NBEA: variants seen among roughly 807,000 people sequenced by gnomAD.
NBEA encodes the protein lysosomal-trafficking regulator 2.
A neutral mutation model predicts 343.4 loss-of-function variants in NBEA; 44 were observed. That is an observed-to-expected ratio of 0.13 (90% CI 0.10 to 0.16). The LOEUF is 0.16. NBEA is among the 10% of genes least tolerant of loss of function. The pLI is 1.00. For synonymous variants in NBEA, 1,175 were observed against 1,238.7 expected (o/e 0.95, Z 1.08); for missense variants, 2,555 against 3,631.3 (o/e 0.70, Z 7.62).
intron 28 of NBEA, among the ~76,000 whole-genome samples, chr13:35,178,682 AT>A (rs935142758): frequency 2.0e-5 from 3 of 151,642 alleles, no homozygotes; most frequent in African/African-American, 7.2e-5. Flanking sequence ...GTAGTTTTAA[AT>A]TTTTTATAAT....
rs1311621615 is a variant in NBEA, at chr13:35,477,860, T to G, written c.6585+5324T>G. ...TGAAATAAATCATTTCATTTCTGAA[T>G]TTTGGAACCTGGAAACAGGAGGAGG... On this transcript the variant is annotated intron_variant, in intron 41 of 58. Transcript: ENST00000379939. Among the ~76,000 whole-genome samples, 3 of 152,292 alleles carry G rather than the reference T, an allele frequency of 2.0e-5. No homozygotes were observed. The East Asian group carries it at 5.8e-4, about 29-fold the overall frequency.
At chr13:35,045,280 A>G (rs908565873) in intron 3 of NBEA, 26 bp from the exon 4 acceptor site, 4 of 1,562,240 alleles carry the variant, frequency 2.6e-6, no homozygotes, top group Middle Eastern at 1.7e-4. Context: ...GTACAATGAC[A>G]TTTCTTTCTT....
intron 38 of NBEA, among the ~76,000 whole-genome samples, chr13:35,423,119 G>C (rs911930398): frequency 6.6e-6 from 1 of 152,150 alleles, no homozygotes; most frequent in African/African-American, 2.4e-5. Context: ...TCTGATGGTA[G>C]TTTCTTGTGC....
intron 41 of NBEA, among the ~76,000 whole-genome samples, chr13:35,549,725 A>G (rs974455829): frequency 6.6e-6 from 1 of 152,130 alleles, no homozygotes. Context: ...AACATCCTCA[A>G]CTGCTTTTGG....
chr13:35,668,453 A>G lies in NBEA; in HGVS notation c.8747A>G (p.Lys2916Arg). Reference protein sequence around the residue: ...VVEVWQACDFKQLYIYPGCDA... With the variant: ...VVEVWQACDFRQLYIYPGCDA... Reference sequence around the variant, plus strand: ...GAGGTCTGGCAGGCCTGTGACTTCAAGCAACTGTACATTTACCCTGGATGT... The same window carrying G: ...GAGGTCTGGCAGGCCTGTGACTTCAGGCAACTGTACATTTACCCTGGATGT... The change falls in exon 58 of 59, where the codon AAG becomes AGG. Residue 2916 changes from lysine to arginine, a missense_variant. Physicochemically the swap from Lys to Arg is conservative, Grantham distance 26 (BLOSUM62 2). Transcript: ENST00000379939. 6.2e-7 allele frequency: 1 copy of G among 1,613,618 alleles called. No individual in the cohort carries two copies. Among genetic ancestry groups the G allele is most frequent in the Non-Finnish European group, 8.5e-7 (1 of 1,179,762 alleles).
intron 17 of NBEA, among the ~76,000 whole-genome samples, chr13:35,140,976 A>G (rs935819664): frequency 1.3e-5 from 2 of 152,168 alleles, no homozygotes; most frequent in Admixed American, 1.3e-4. Context: ...GGCTTGGGGA[A>G]AGAGCATGGA....
chr13:35,579,332 GTTC>G (rs1448070886), intron 45 of NBEA, among the ~76,000 whole-genome samples: 6 of 151,982 alleles, frequency 3.9e-5, no homozygotes, highest in African/African-American at 1.4e-4. Flanking sequence ...TTCTCTAAAA[GTTC>G]TTCTGATGTC....
intron 34 of NBEA, among the ~76,000 whole-genome samples, chr13:35,271,415 G>A (rs943472289): frequency 6.6e-6 from 1 of 152,154 alleles, no homozygotes; most frequent in African/African-American, 2.4e-5. Context: ...CAGAGCAGAA[G>A]GGCTGAAAAT....
At chr13:35,543,855 A>G (rs1057169720) in intron 41 of NBEA, among the ~76,000 whole-genome samples, 3 of 152,110 alleles carry the variant, frequency 2.0e-5, no homozygotes, top group African/African-American at 7.2e-5. Context: ...TGCATGTGCC[A>G]CACAGCAGGT....
chr13:35,585,063 T>C (rs1195773594), intron 46 of NBEA, among the ~76,000 whole-genome samples: 2 of 150,330 alleles, frequency 1.3e-5, no homozygotes, highest in Admixed American at 1.3e-4. Context: ...TCCAAATGTT[T>C]TGAAAACCTC....
intron 34 of NBEA, among the ~76,000 whole-genome samples, chr13:35,246,551 T>C (rs551500292): frequency 1.3e-5 from 2 of 152,226 alleles, no homozygotes; most frequent in Admixed American, 1.3e-4. Flanking sequence ...TGACTCTTTT[T>C]TCCCTCTGGA....
intron 7 of NBEA, among the ~76,000 whole-genome samples, chr13:35,056,775 G>T (rs1442694316): frequency 2.6e-5 from 4 of 152,064 alleles, no homozygotes; most frequent in Non-Finnish European, 4.4e-5. Context: ...AGCAAACAAG[G>T]CCTGGGTTTT....
intron 40 of NBEA, among the ~76,000 whole-genome samples, chr13:35,461,987 A>T (rs1409368914): frequency 1.3e-5 from 2 of 152,200 alleles, no homozygotes; most frequent in African/African-American, 2.4e-5. Flanking sequence ...TCCAATAAAA[A>T]CAAGTCAATT....
At chr13:35,024,216 C>G (rs1025562485) in intron 1 of NBEA, among the ~76,000 whole-genome samples, 1 of 152,104 alleles carries the variant, frequency 6.6e-6, no homozygotes, top group Non-Finnish European at 1.5e-5. Flanking sequence ...TGTATATGCA[C>G]CACATTTCTT....
At position 35,072,924 on chromosome 13, in the gene NBEA, G is replaced by A. The variant is rs909282872; in HGVS notation, c.1571+2072G>A. Among the ~76,000 whole-genome samples, 24 of 152,110 alleles carry A rather than the reference G, an allele frequency of 1.6e-4. 1 individual carries two copies. Among genetic ancestry groups the A allele is most frequent in the African/African-American group, 4.8e-4 (20 of 41,496 alleles). On this transcript the variant is annotated intron_variant, in intron 10 of 58. Coordinates refer to ENST00000379939, the MANE Select transcript of NBEA (RefSeq NM_001385012.1). ...ATGATACTGCTTTCCTCTTTAATAC[G>A]TACTCAATTCCAGGCTACCCTGTGA...
chr13:35,323,767 A>AT (rs2038348157), intron 36 of NBEA, among the ~76,000 whole-genome samples: 1 of 151,990 alleles, frequency 6.6e-6, no homozygotes, highest in Non-Finnish European at 1.5e-5. Flanking sequence ...TACACATATT[A>AT]TTTTTTCTCT....
intron 49 of NBEA, among the ~76,000 whole-genome samples, chr13:35,642,412 T>C (rs562507757): frequency 6.6e-6 from 1 of 152,308 alleles, no homozygotes; most frequent in South Asian, 2.1e-4. Context: ...GATGGACATT[T>C]CCAAAGTTTT....
chr13:34,952,578 C>T (rs2059381593), intron 1 of NBEA, among the ~76,000 whole-genome samples: 1 of 151,844 alleles, frequency 6.6e-6, no homozygotes, highest in African/African-American at 2.4e-5. Flanking sequence ...TTATTTGAAC[C>T]ACTGTATATA....
intron 10 of NBEA, among the ~76,000 whole-genome samples, chr13:35,087,921 G>A (rs2064858648): frequency 6.6e-6 from 1 of 151,930 alleles, no homozygotes. Flanking sequence ...TTTTCATCAA[G>A]TGGTCAAGTT....
Sources: allele counts gnomAD v4.1 joint callset (sites outside exome capture counted in the v4.1 genomes callset), GRCh38; gene constraint gnomAD v4.1.1; transcripts MANE v1.5; gene names NCBI Gene and HGNC (gene_info 2026-07-23, HGNC 2026-07-21).